The following ASS1 variants were observed in gnomAD, a reference collection of about 807,000 sequenced individuals.
The protein encoded by ASS1 is argininosuccinate synthase 1, also known as argininosuccinate synthase.
A neutral mutation model predicts 60.5 loss-of-function variants in ASS1; 58 were observed. That is an observed-to-expected ratio of 0.96 (90% CI 0.78 to 1.19). ASS1 has a LOEUF of 1.19. Ranked by LOEUF, ASS1 falls within the 50% of genes most tolerant of loss-of-function variation. The probability of loss-of-function intolerance (pLI) is 0.00; values close to 1 mark genes in which losing one functional copy is unlikely to be tolerated. For missense variants in ASS1, 454 were observed against 547.3 expected (o/e 0.83, Z 1.70); for synonymous variants, 200 against 206.9 (o/e 0.97, Z 0.29).
chr9:130,485,506 T>C (rs56027583), intron 11 of ASS1, among the ~76,000 whole-genome samples: 15,588 of 152,104 alleles, frequency 0.1, 888 homozygotes, highest in African/African-American at 0.11. Context: ...GCAAATGTAG[T>C]TTGGACTGCC....
chr9:130,490,399 C>T (rs1337618586), intron 12 of ASS1, among the ~76,000 whole-genome samples: 2 of 152,090 alleles, frequency 1.3e-5, no homozygotes, highest in Non-Finnish European at 2.9e-5. Flanking sequence ...CTGCAACCTC[C>T]GCCTCCCTGG....
At chr9:130,482,985 G>A (rs1476536036) in intron 11 of ASS1, among the ~76,000 whole-genome samples, 1 of 152,266 alleles carries the variant, frequency 6.6e-6, no homozygotes, top group Admixed American at 6.5e-5. Context: ...CAAGGGGCCA[G>A]ATGAGGAGGT....
intron 3 of ASS1, among the ~76,000 whole-genome samples, chr9:130,456,226 C>CA (rs371795577): frequency 1.7e-3 from 252 of 152,192 alleles, no homozygotes; most frequent in African/African-American, 5.7e-3. Flanking sequence ...AGCACTTTGG[C>CA]AGGCTGAGGC....
At chr9:130,472,340 C>T (rs1845886787) in intron 8 of ASS1, among the ~76,000 whole-genome samples, 1 of 152,138 alleles carries the variant, frequency 6.6e-6, no homozygotes, top group Non-Finnish European at 1.5e-5. Flanking sequence ...CGCCCAGGAT[C>T]CCCCAGGGCC....
At chr9:130,448,646 C>A (rs541756428) in intron 1 of ASS1, among the ~76,000 whole-genome samples, 10 of 152,302 alleles carry the variant, frequency 6.6e-5, no homozygotes, top group African/African-American at 2.2e-4. Context: ...TCACTGCAAC[C>A]TTTACCTCCC....
chr9:130,482,907 C>T (rs1245434057), intron 11 of ASS1, among the ~76,000 whole-genome samples: 11 of 152,158 alleles, frequency 7.2e-5, no homozygotes, highest in African/African-American at 2.4e-4. Context: ...GGAAGAAAAT[C>T]GGGATTCTGA....
At chr9:130,473,833 A>G (rs933619346) in intron 8 of ASS1, among the ~76,000 whole-genome samples, 9 of 152,214 alleles carry the variant, frequency 5.9e-5, no homozygotes, top group Non-Finnish European at 1.3e-4. Context: ...CTTTAACTTC[A>G]TACGGTCCAC....
intron 4 of ASS1, 87 bp from the exon 5 acceptor site, chr9:130,464,024 C>T: frequency 6.9e-7 from 1 of 1,446,606 alleles, no homozygotes. Flanking sequence ...CTGTCTCCGC[C>T]ACGGGCTGTC....
chr9:130,472,443 G>A (rs1010264023), intron 8 of ASS1, among the ~76,000 whole-genome samples: 6 of 152,176 alleles, frequency 3.9e-5, no homozygotes, highest in Non-Finnish European at 8.8e-5. Context: ...GGAGCGGGCC[G>A]GGGGTGGCAT....
intron 5 of ASS1, among the ~76,000 whole-genome samples, chr9:130,465,052 ATATATTT>A (rs1055571639): frequency 2.3e-4 from 16 of 70,584 alleles, no homozygotes; most frequent in African/African-American, 8.3e-4. Context: ...ATATATATAT[ATATATTT>A]TTTTTTTTTC....
At chr9:130,499,448 C>G in intron 13 of ASS1, 57 bp from the exon 14 acceptor site, 1 of 1,570,306 alleles carries the variant, frequency 6.4e-7, no homozygotes, top group East Asian at 2.3e-5. Context: ...CAGCAGTCCT[C>G]CCTTCAAGCA....
rs566645623 is a variant in ASS1, at chr9:130,460,085, C to G, written c.363+1496C>G. 1.8e-4 allele frequency among the ~76,000 whole-genome samples: 28 copies of G among 152,348 alleles called. No individual in the cohort carries two copies. The East Asian group carries it at 4.6e-3, about 25-fold the overall frequency. On this transcript the variant is annotated intron_variant, in intron 4 of 14. Transcript: ENST00000352480. ...TTACCAACCCCACAGTCAGAAGGCTCGGAAACTCCCCAGTGACGGGGAGCT... is the reference window on the plus strand; with the variant it reads ...TTACCAACCCCACAGTCAGAAGGCTGGGAAACTCCCCAGTGACGGGGAGCT...
At chr9:130,462,583 C>T (rs1845626236) in intron 4 of ASS1, among the ~76,000 whole-genome samples, 1 of 152,184 alleles carries the variant, frequency 6.6e-6, no homozygotes, top group African/African-American at 2.4e-5. Context: ...CCAGCCGTGC[C>T]TGGCTGGTGA....
chr9:130,456,827 G>C (rs1194307223), intron 3 of ASS1, among the ~76,000 whole-genome samples: 1 of 152,020 alleles, frequency 6.6e-6, no homozygotes, highest in Non-Finnish European at 1.5e-5. Context: ...TCGGGAGGCT[G>C]AGGCAGGAGA....
At chr9:130,473,873 G>A (rs994953673) in intron 8 of ASS1, among the ~76,000 whole-genome samples, 7 of 152,102 alleles carry the variant, frequency 4.6e-5, no homozygotes, top group Non-Finnish European at 7.4e-5. Context: ...TCGCCGGCCC[G>A]CCATAGCTGA....
Position 130,468,372 on chromosome 9 carries a change from A to G in ASS1, c.495+1573A>G, listed in dbSNP as rs143946180. Among the ~76,000 whole-genome samples, 3 of 152,164 alleles carry G rather than the reference A, an allele frequency of 2.0e-5. No homozygotes were observed. The East Asian group carries it at 5.8e-4, about 29-fold the overall frequency. ...CCAACCCATCGTCCAACGGAAAAAC[A>G]CTCAGAACCACCCCATCCTTGTCAC... is the stretch of plus-strand genomic sequence containing the variant. On this transcript the variant is annotated intron_variant, in intron 6 of 14. Coordinates refer to ENST00000352480, the MANE Select transcript of ASS1 (RefSeq NM_054012.4).
chr9:130,445,320 C>T (rs914317360), intron 1 of ASS1: 10 of 823,820 alleles, frequency 1.2e-5, no homozygotes, highest in Non-Finnish European at 1.3e-5. Context: ...GACTCCTTGT[C>T]GGATCCGGCT....
chr9:130,477,661 C>T lies in ASS1; in HGVS notation c.688+700C>T, dbSNP rs1312743887. ...GAAGGATGGAGAAGCGAGGCATGCCCGCCTGGGCTCAGAGGGAGGGCTCAG... is the reference window on the plus strand; with the variant it reads ...GAAGGATGGAGAAGCGAGGCATGCCTGCCTGGGCTCAGAGGGAGGGCTCAG... On this transcript the variant is annotated intron_variant, in intron 9 of 14. Transcript: ENST00000352480. The surrounding 1 kb of genome is among the most constrained non-coding windows in gnomAD (Gnocchi z 4.2). Among the ~76,000 whole-genome samples the T allele has an allele frequency of 1.3e-5, 2 of 152,212 alleles. No homozygotes were observed. The highest frequency in any genetic ancestry group is 2.9e-5 in the Non-Finnish European group (2 of 68,038).
intron 4 of ASS1, among the ~76,000 whole-genome samples, chr9:130,463,873 C>G (rs1016679720): frequency 4.0e-5 from 6 of 151,208 alleles, no homozygotes; most frequent in African/African-American, 1.5e-4. Context: ...TCAGATGTGT[C>G]CTGCACCCAC....
Sources: gnomAD v4.1 joint callset for allele counts (sites outside exome capture counted in the v4.1 genomes callset) on GRCh38, gnomAD v4.1.1 for gene constraint, Gnocchi (gnomAD v3.1) non-coding constraint, MANE v1.5 for transcripts, NCBI Gene and HGNC (gene_info 2026-07-23, HGNC 2026-07-21) for gene names.